The following CLSTN2 variants were observed in gnomAD, a reference collection of about 807,000 sequenced individuals.
CLSTN2 encodes the protein calsyntenin-2.
In CLSTN2, 48 loss-of-function variants were observed where a neutral mutation model predicts 101.2. The ratio of observed to expected loss-of-function variants is 0.47; its 90% CI spans 0.38 to 0.60. The LOEUF (loss-of-function observed/expected upper bound fraction) is 0.60, where lower values mean the gene tolerates loss of function less well. Among genes scored for constraint, CLSTN2 ranks in the 20% least tolerant of loss-of-function variants. The pLI is 0.00. For missense variants in CLSTN2, 1,160 were observed against 1,238.2 expected (o/e 0.94, Z 0.95); for synonymous variants, 481 against 463.6 (o/e 1.04, Z -0.48).
chr3:140,350,923 A>G (rs972592499), intron 2 of CLSTN2, among the ~76,000 whole-genome samples: 21 of 152,196 alleles, frequency 1.4e-4, no homozygotes, highest in Admixed American at 9.8e-4. Context: ...TCCTGTACAT[A>G]CCTGAGCTCC....
chr3:139,955,881 T>A (rs568460322), intron 1 of CLSTN2, among the ~76,000 whole-genome samples: 1 of 152,158 alleles, frequency 6.6e-6, no homozygotes, highest in African/African-American at 2.4e-5. Context: ...AAAGATGGAG[T>A]CCCTGGAGAG....
chr3:140,019,637 T>C (rs2007268306), intron 1 of CLSTN2, among the ~76,000 whole-genome samples: 1 of 152,104 alleles, frequency 6.6e-6, no homozygotes, highest in Admixed American at 6.5e-5. Context: ...ACTGAAGAGT[T>C]TAAAGCAGAG....
chr3:140,305,613 G>C (rs2087106720), intron 2 of CLSTN2, among the ~76,000 whole-genome samples: 1 of 152,110 alleles, frequency 6.6e-6, no homozygotes, highest in Non-Finnish European at 1.5e-5. Flanking sequence ...TTCCATCCTG[G>C]ACAGCCATAG....
intron 1 of CLSTN2, among the ~76,000 whole-genome samples, chr3:140,008,502 G>A (rs2007003582): frequency 1.3e-5 from 2 of 152,222 alleles, no homozygotes; most frequent in African/African-American, 2.4e-5. Context: ...CTTGTGCAGG[G>A]CCTGGGACGC....
intron 1 of CLSTN2, among the ~76,000 whole-genome samples, chr3:139,943,039 G>A (rs1353406359): frequency 6.6e-6 from 1 of 152,030 alleles, no homozygotes; most frequent in Non-Finnish European, 1.5e-5. Context: ...GGCTCACTCA[G>A]TATCTGTTTC....
chr3:140,105,676 AGACCCCCG>A (rs1196664205), intron 1 of CLSTN2, among the ~76,000 whole-genome samples: 1 of 152,224 alleles, frequency 6.6e-6, no homozygotes, highest in Non-Finnish European at 1.5e-5. Flanking sequence ...CTGTTTCATC[AGACCCCCG>A]GCACCATGGG....
intron 1 of CLSTN2, among the ~76,000 whole-genome samples, chr3:140,111,891 G>A (rs2009161854): frequency 6.6e-6 from 1 of 152,170 alleles, no homozygotes; most frequent in Non-Finnish European, 1.5e-5. Context: ...TCACTTTACA[G>A]ATGATGAAAC....
At chr3:140,473,784 G>A (rs1933909442) in intron 8 of CLSTN2, among the ~76,000 whole-genome samples, 1 of 151,786 alleles carries the variant, frequency 6.6e-6, no homozygotes. Flanking sequence ...TTGAGACAGA[G>A]TCTTGCTTTG....
At chr3:140,239,527 A>G (rs1156476087) in intron 2 of CLSTN2, among the ~76,000 whole-genome samples, 1 of 152,240 alleles carries the variant, frequency 6.6e-6, no homozygotes. Context: ...AGACAATATT[A>G]AATGGTTGAA....
chr3:140,387,975 G>A (rs534423873), intron 2 of CLSTN2, among the ~76,000 whole-genome samples: 1 of 152,278 alleles, frequency 6.6e-6, no homozygotes, highest in East Asian at 1.9e-4. Context: ...GAAGGGACTG[G>A]GTTCTATTCC....
intron 5 of CLSTN2, among the ~76,000 whole-genome samples, chr3:140,439,644 AT>A (rs2088737000): frequency 6.6e-6 from 1 of 152,236 alleles, no homozygotes; most frequent in Admixed American, 6.5e-5. Flanking sequence ...CAGTTTCAGG[AT>A]TCACATTTGT....
At chr3:140,258,420 G>A (rs544700292) in intron 2 of CLSTN2, among the ~76,000 whole-genome samples, 6 of 152,276 alleles carry the variant, frequency 3.9e-5, no homozygotes, top group Non-Finnish European at 5.9e-5. Context: ...TCATGTGGCC[G>A]TAGATAATGG....
At chr3:140,112,157 T>C (rs538972500) in intron 1 of CLSTN2, among the ~76,000 whole-genome samples, 1 of 152,316 alleles carries the variant, frequency 6.6e-6, no homozygotes, top group African/African-American at 2.4e-5. Context: ...ATTTCCTGCT[T>C]AAGAAGACAA....
intron 1 of CLSTN2, among the ~76,000 whole-genome samples, chr3:139,972,549 G>T (rs79398858): frequency 0.013 from 1,978 of 152,178 alleles, 34 homozygotes; most frequent in East Asian, 0.085. Context: ...TCAGAGTTTT[G>T]CTCTCCTTGT....
chr3:140,236,857 GTGTGTGTA>G (rs771912118), intron 2 of CLSTN2, among the ~76,000 whole-genome samples: 2,182 of 115,460 alleles, frequency 0.019, 21 homozygotes, highest in Non-Finnish European at 0.022. Context: ...GTGTGTGTGT[GTGTGTGTA>G]TATAAATTTC....
At chr3:139,991,731 G>T (rs1042533902) in intron 1 of CLSTN2, among the ~76,000 whole-genome samples, 2 of 152,206 alleles carry the variant, frequency 1.3e-5, no homozygotes, top group Non-Finnish European at 2.9e-5. Context: ...ACTCAAACTG[G>T]CTCGAACACA....
intron 8 of CLSTN2, among the ~76,000 whole-genome samples, chr3:140,481,262 C>T (rs146350739): frequency 0.058 from 8,774 of 151,810 alleles, 775 homozygotes; most frequent in African/African-American, 0.2. Flanking sequence ...GTTGTAGATA[C>T]GTGGCATTAT....
At chr3:140,279,627 T>TG (rs758332197) in intron 2 of CLSTN2, among the ~76,000 whole-genome samples, 1 of 152,168 alleles carries the variant, frequency 6.6e-6, no homozygotes, top group Non-Finnish European at 1.5e-5. Flanking sequence ...GGGAGAAATC[T>TG]GGAAAGTAGG....
intron 2 of CLSTN2, among the ~76,000 whole-genome samples, chr3:140,381,966 A>G (rs1351400836): frequency 6.6e-6 from 1 of 152,082 alleles, no homozygotes; most frequent in African/African-American, 2.4e-5. Context: ...TATGCTACCA[A>G]CTTCTCCTTC....
Sources: allele counts gnomAD v4.1 joint callset (sites outside exome capture counted in the v4.1 genomes callset), GRCh38; gene constraint gnomAD v4.1.1; transcripts MANE v1.5; gene names NCBI Gene and HGNC (gene_info 2026-07-23, HGNC 2026-07-21).